The following DLG2 variants were observed in gnomAD, a reference collection of about 807,000 sequenced individuals.
The protein encoded by DLG2 is discs large MAGUK scaffold protein 2.
DLG2 carries 45 observed loss-of-function variants against 132.5 expected under a neutral mutation model. That is an observed-to-expected ratio of 0.34 (90% CI 0.27 to 0.44). The LOEUF (loss-of-function observed/expected upper bound fraction) is 0.44. Ranked by LOEUF, DLG2 falls within the 20% of genes least tolerant of loss-of-function variation. The pLI is 1.00. For synonymous variants in DLG2, 424 were observed against 419.6 expected (o/e 1.01, Z -0.13); for missense variants, 1,045 against 1,196.9 (o/e 0.87, Z 1.87).
intron 3 of DLG2, among the ~76,000 whole-genome samples, chr11:85,465,745 G>A (rs538498614): frequency 4.3e-4 from 66 of 152,202 alleles, no homozygotes; most frequent in Non-Finnish European, 8.5e-4. Context: ...TTGCTATTGT[G>A]AATAGTGCCA....
intron 15 of DLG2, among the ~76,000 whole-genome samples, chr11:83,877,770 C>T (rs1199279214): frequency 6.6e-6 from 1 of 152,120 alleles, no homozygotes; most frequent in East Asian, 1.9e-4. Context: ...GACCTGTGGA[C>T]ACAAATGAAT....
chr11:84,598,492 C>G (rs2099568630), intron 6 of DLG2, among the ~76,000 whole-genome samples: 1 of 152,196 alleles, frequency 6.6e-6, no homozygotes, highest in Admixed American at 6.5e-5. Flanking sequence ...AGCTATTTTA[C>G]ATTTTATCTA....
chr11:85,266,884 T>C (rs936272966), intron 4 of DLG2, among the ~76,000 whole-genome samples: 1 of 152,242 alleles, frequency 6.6e-6, no homozygotes, highest in Non-Finnish European at 1.5e-5. Flanking sequence ...CAAAACTTTT[T>C]AGTGTTGCAC....
At chr11:84,357,214 G>A (rs1277886832) in intron 7 of DLG2, among the ~76,000 whole-genome samples, 1 of 152,026 alleles carries the variant, frequency 6.6e-6, no homozygotes, top group East Asian at 1.9e-4. Context: ...ACTACAGAGG[G>A]ATAGAAGACA....
At chr11:85,585,947 TG>T (rs2078939958) in intron 3 of DLG2, among the ~76,000 whole-genome samples, 1 of 152,190 alleles carries the variant, frequency 6.6e-6, no homozygotes, top group South Asian at 2.1e-4. Context: ...CTTGAACTCC[TG>T]ACCTCATGAT....
At chr11:83,924,455 C>T (rs1452166424) in intron 15 of DLG2, among the ~76,000 whole-genome samples, 1 of 152,070 alleles carries the variant, frequency 6.6e-6, no homozygotes, top group Non-Finnish European at 1.5e-5. Flanking sequence ...GGAAGGTTTA[C>T]TTTCTCTTCT....
chr11:84,500,780 T>C (rs1438056724), intron 7 of DLG2, among the ~76,000 whole-genome samples: 1 of 152,192 alleles, frequency 6.6e-6, no homozygotes, highest in Non-Finnish European at 1.5e-5. Flanking sequence ...TAAAAAGTAA[T>C]GGATCCCAAC....
chr11:85,418,398 C>T (rs2090035258), intron 3 of DLG2, among the ~76,000 whole-genome samples: 1 of 152,114 alleles, frequency 6.6e-6, no homozygotes, highest in Non-Finnish European at 1.5e-5. Flanking sequence ...GTGATGTGTG[C>T]TGAGAAGAAT....
intron 6 of DLG2, among the ~76,000 whole-genome samples, chr11:84,626,694 A>C (rs998305200): frequency 3.9e-5 from 6 of 152,170 alleles, no homozygotes; most frequent in African/African-American, 1.4e-4. Flanking sequence ...GCTCTGCACT[A>C]GCAGGGAAGA....
chr11:85,533,331 G>T (rs528175971), intron 3 of DLG2, among the ~76,000 whole-genome samples: 126 of 151,710 alleles, frequency 8.3e-4, no homozygotes, highest in Admixed American at 1.5e-3. Context: ...GCCTCCTAAG[G>T]TGTTTTATTG....
Position 84,779,188 on chromosome 11 carries a change from A to ATG in DLG2, c.358-244459_358-244458dup, listed in dbSNP as rs1565939495. ...TAAATTCCCTTTCTCATATATATAT[A>ATG]TGTGCGCACACACACACACACACAC... is the stretch of plus-strand genomic sequence containing the variant. On this transcript the variant is annotated intron_variant, in intron 6 of 27. Transcript: ENST00000376104. Among the ~76,000 whole-genome samples, 647 of 141,390 alleles carry ATG rather than the reference A, an allele frequency of 4.6e-3. 4 individuals are homozygous for ATG. The highest frequency in any genetic ancestry group is 0.016 in the African/African-American group (613 of 39,118). The allele number at this position is 141,390 out of a possible 152,430, so 92.8% of individuals were successfully genotyped here.
intron 8 of DLG2, among the ~76,000 whole-genome samples, chr11:84,180,196 A>C (rs1408226626): frequency 6.6e-6 from 1 of 152,160 alleles, no homozygotes; most frequent in Admixed American, 6.6e-5. Flanking sequence ...CATTCTAGGA[A>C]GGAATAAAAA....
At position 84,201,055 on chromosome 11, in the gene DLG2, T is replaced by C. The variant is rs540739484; in HGVS notation, c.574-37544A>G. On this transcript the variant is annotated intron_variant, in intron 8 of 27. Transcript: ENST00000376104. Reference sequence around the variant, plus strand: ...CAATAGGAATGCTTCCAGCTTTTGCTCATTCAGTATGATATTGGTTGTGGG... The same window carrying C: ...CAATAGGAATGCTTCCAGCTTTTGCCCATTCAGTATGATATTGGTTGTGGG... Among the ~76,000 whole-genome samples the C allele has an allele frequency of 6.2e-4, 94 of 152,278 alleles. 2 individuals are homozygous for C. In the South Asian group the frequency reaches 0.017, roughly 28 times the overall value.
At chr11:84,947,727 G>C (rs1011578299) in intron 6 of DLG2, among the ~76,000 whole-genome samples, 4 of 152,148 alleles carry the variant, frequency 2.6e-5, no homozygotes, top group African/African-American at 7.2e-5. Flanking sequence ...GCAGAAAGTG[G>C]AGATTAATTT....
intron 19 of DLG2, among the ~76,000 whole-genome samples, chr11:83,558,418 T>C (rs1167461334): frequency 6.6e-6 from 1 of 152,156 alleles, no homozygotes; most frequent in Non-Finnish European, 1.5e-5. Context: ...AAAGATGCCT[T>C]AGTCTACCTG....
intron 19 of DLG2, among the ~76,000 whole-genome samples, chr11:83,591,224 T>C (rs1451782060): frequency 1.4e-5 from 2 of 140,244 alleles, no homozygotes; most frequent in Non-Finnish European, 3.1e-5. Context: ...TTGATGAACA[T>C]TGATGCAAAA....
intron 4 of DLG2, among the ~76,000 whole-genome samples, chr11:85,206,506 T>C (rs1914375): frequency 0.65 from 99,370 of 152,026 alleles, 32,830 homozygotes; most frequent in Middle Eastern, 0.76. Context: ...TTTGATATAA[T>C]GAATATGAAA....
chr11:83,732,684 T>C (rs1053847228), intron 18 of DLG2, among the ~76,000 whole-genome samples: 1 of 152,192 alleles, frequency 6.6e-6, no homozygotes, highest in Non-Finnish European at 1.5e-5. Context: ...TCCTGCAAAT[T>C]AAACAATCTA....
At chr11:85,444,205 C>T (rs981932796) in intron 3 of DLG2, among the ~76,000 whole-genome samples, 4 of 152,054 alleles carry the variant, frequency 2.6e-5, no homozygotes, top group Admixed American at 2.6e-4. Flanking sequence ...CTTTTGGAAA[C>T]ACAACAGAAA....
Sources: gnomAD v4.1 joint callset for allele counts (sites outside exome capture counted in the v4.1 genomes callset) on GRCh38, gnomAD v4.1.1 for gene constraint, MANE v1.5 for transcripts, NCBI Gene and HGNC (gene_info 2026-07-23, HGNC 2026-07-21) for gene names.